The following PRH1 variants were observed in gnomAD, a reference collection of about 807,000 sequenced individuals.
The protein encoded by PRH1 is salivary acidic proline-rich phosphoprotein 1/2.
In PRH1, 7 loss-of-function variants were observed where a neutral mutation model predicts 7.9. That is an observed-to-expected ratio of 0.89 (90% confidence interval 0.50 to 1.67). The LOEUF is 1.67. Among genes scored for constraint, PRH1 ranks in the 40% most tolerant of loss-of-function variants. PRH1 has a pLI of 0.00. For missense variants in PRH1, 109 were observed against 223.6 expected (o/e 0.49, Z 3.27); for synonymous variants, 45 against 80.8 (o/e 0.56, Z 2.38).
In PRH1 at chr12:11,149,191, G is replaced by A. The variant is rs369684454; in HGVS notation, n.39+22231C>T. 3.3e-5 allele frequency among the ~76,000 whole-genome samples: 5 copies of A among 151,150 alleles called. No homozygotes were observed. The East Asian group carries it at 7.8e-4, about 24-fold the overall frequency. ...TTCTTCTCTCTTTTTTTCTTTATTA[G>A]TCTTGCTAGCAGTCTATCAATTTTG... On this transcript the variant is annotated intron_variant and non_coding_transcript_variant, in intron 1 of 1. Coordinates refer to the PRH1 transcript ENST00000541175.
chr12:10,955,028 G>A (rs1035846217), intron 2 of PRH1, among the ~76,000 whole-genome samples: 1 of 151,988 alleles, frequency 6.6e-6, no homozygotes, highest in Non-Finnish European at 1.5e-5. Context: ...GAACATCAAG[G>A]CAGAAAACTA....
intron 1 of PRH1, among the ~76,000 whole-genome samples, chr12:11,063,768 A>T (rs1943703759): frequency 6.6e-6 from 1 of 152,086 alleles, no homozygotes; most frequent in African/African-American, 2.4e-5. Context: ...TTAAGGCTAG[A>T]AGAAATCCAT....
chr12:10,962,218 A>T (rs187731639), intron 2 of PRH1, among the ~76,000 whole-genome samples: 7 of 152,344 alleles, frequency 4.6e-5, no homozygotes, highest in Admixed American at 4.6e-4. Flanking sequence ...TTTAGAAAGG[A>T]TATTAAAAAT....
chr12:10,992,117 C>T (rs1050792566), intron 1 of PRH1, among the ~76,000 whole-genome samples: 17 of 152,116 alleles, frequency 1.1e-4, no homozygotes, highest in Admixed American at 1.0e-3. Flanking sequence ...CTGGACTGAG[C>T]CAGTTCAGAG....
chr12:11,063,411 T>A lies in PRH1; in HGVS notation n.124-16223A>T, dbSNP rs546920851. Among the ~76,000 whole-genome samples, 593 of 152,170 alleles carry A rather than the reference T, an allele frequency of 3.9e-3. 1 individual carries two copies. Among genetic ancestry groups the A allele is most frequent in the African/African-American group, 0.014 (571 of 41,534 alleles). ...GAATATCACCTGGCTAGTACACTGT[T>A]CCCAGAAGGAGAGTGAGAAACTAAT... On this transcript the variant is annotated intron_variant and non_coding_transcript_variant, in intron 1 of 4. Coordinates refer to the PRH1 transcript ENST00000541977.
At chr12:11,168,992 C>T (rs1947723121) in intron 1 of PRH1, among the ~76,000 whole-genome samples, 1 of 152,074 alleles carries the variant, frequency 6.6e-6, no homozygotes, top group African/African-American at 2.4e-5. Context: ...TACTTTTTTT[C>T]TAGTTTGGCA....
intron 2 of PRH1, among the ~76,000 whole-genome samples, chr12:10,907,652 G>A (rs1408113601): frequency 6.6e-6 from 1 of 151,852 alleles, no homozygotes; most frequent in Non-Finnish European, 1.5e-5. Context: ...AAGGGCTGGA[G>A]GGGAGAGGGT....
intron 1 of PRH1, among the ~76,000 whole-genome samples, chr12:11,015,470 C>G (rs1941249094): frequency 6.6e-6 from 1 of 152,104 alleles, no homozygotes; most frequent in South Asian, 2.1e-4. Context: ...CCTTATGCCC[C>G]TCAGTTGAAT....
chr12:11,110,811 C>T (rs1024195366), intron 1 of PRH1, among the ~76,000 whole-genome samples: 1 of 152,082 alleles, frequency 6.6e-6, no homozygotes, highest in Admixed American at 6.5e-5. Flanking sequence ...ACAATATTAA[C>T]CTTAAATGTA....
At chr12:10,912,403 A>G (rs1456302113) in intron 2 of PRH1, among the ~76,000 whole-genome samples, 1 of 152,098 alleles carries the variant, frequency 6.6e-6, no homozygotes, top group Non-Finnish European at 1.5e-5. Context: ...TTTGATTATA[A>G]TATCATCTTA....
chr12:11,017,430 A>G (rs1413909739), intron 1 of PRH1, among the ~76,000 whole-genome samples: 3 of 152,160 alleles, frequency 2.0e-5, no homozygotes, highest in Non-Finnish European at 4.4e-5. Context: ...CAACGCAGAT[A>G]TTGTTTTCAG....
At chr12:11,150,002 G>A (rs1947012329) in intron 1 of PRH1, among the ~76,000 whole-genome samples, 1 of 118,312 alleles carries the variant, frequency 8.5e-6, no homozygotes, top group Non-Finnish European at 2.0e-5. Context: ...ATCAAAAAGT[G>A]GGCAAAGGAC....
intron 2 of PRH1, among the ~76,000 whole-genome samples, chr12:10,902,079 T>C (rs762570452): frequency 2.0e-5 from 3 of 151,858 alleles, no homozygotes; most frequent in Non-Finnish European, 4.4e-5. Flanking sequence ...GGAAGCTCAA[T>C]GAGATGCAAG....
chr12:11,024,613 A>C (rs1591832895), intron 1 of PRH1, among the ~76,000 whole-genome samples: 1 of 152,120 alleles, frequency 6.6e-6, no homozygotes, highest in East Asian at 1.9e-4. Flanking sequence ...TTGCATGTAC[A>C]TGTGATCCAT....
chr12:10,981,697 TTTTG>T (rs1043080369), intron 1 of PRH1, among the ~76,000 whole-genome samples: 13 of 151,808 alleles, frequency 8.6e-5, no homozygotes, highest in African/African-American at 2.9e-4. Flanking sequence ...TGTTTGTTGT[TTTTG>T]TTTGTTTCTT....
chr12:10,996,327 T>C (rs569682514), intron 1 of PRH1, among the ~76,000 whole-genome samples: 2 of 148,844 alleles, frequency 1.3e-5, no homozygotes, highest in African/African-American at 4.9e-5. Flanking sequence ...AGACTCCATC[T>C]CAAAAAAAAG....
At chr12:11,044,709 A>C (rs1404776416) in intron 1 of PRH1, among the ~76,000 whole-genome samples, 3 of 152,192 alleles carry the variant, frequency 2.0e-5, no homozygotes, top group African/African-American at 7.2e-5. Flanking sequence ...AAAGGTGCTC[A>C]ACATCATTGA....
intron 1 of PRH1, among the ~76,000 whole-genome samples, chr12:11,158,494 TG>T (rs1565714414): frequency 1.3e-5 from 2 of 152,184 alleles, no homozygotes; most frequent in African/African-American, 4.8e-5. Context: ...ATATCATATG[TG>T]CATTTATTTA....
chr12:11,136,619 A>G (rs1224475551), intron 1 of PRH1, among the ~76,000 whole-genome samples: 1 of 152,182 alleles, frequency 6.6e-6, no homozygotes, highest in Non-Finnish European at 1.5e-5. Context: ...CAATTATATA[A>G]TCACCCTCAA....
Sources: gnomAD v4.1 joint callset for allele counts (sites outside exome capture counted in the v4.1 genomes callset) on GRCh38, gnomAD v4.1.1 for gene constraint, MANE v1.5 for transcripts, NCBI Gene and HGNC (gene_info 2026-07-23, HGNC 2026-07-21) for gene names.